The following BSCL2 variants were observed in gnomAD, a reference collection of about 807,000 sequenced individuals.
BSCL2 encodes the protein seipin.
A neutral mutation model predicts 57.4 loss-of-function variants in BSCL2; 41 were observed. That is an observed-to-expected ratio of 0.71 (90% CI 0.56 to 0.93). The LOEUF (loss-of-function observed/expected upper bound fraction) is 0.93. Ranked by LOEUF, BSCL2 falls within the 40% of genes least tolerant of loss-of-function variation. The pLI is 0.00. For missense variants in BSCL2, 539 were observed against 586.7 expected, an observed-to-expected ratio of 0.92 and a Z score of 0.84; for synonymous variants, 237 against 227.3, an observed-to-expected ratio of 1.04 and a Z score of -0.38.
chr11:62,694,380 T>G (rs1945393167), intron 4 of BSCL2, among the ~76,000 whole-genome samples, 188 bp downstream of exon 4: 1 of 151,646 alleles, frequency 6.6e-6, no homozygotes, highest in South Asian at 2.1e-4. Flanking sequence ...ATTTTTAAAC[T>G]TTTTTTGTAG....
At chr11:62,707,795 T>G, upstream of BSCL2, 1 of 258,246 alleles carries the variant, frequency 3.9e-6, no homozygotes, top group Admixed American at 4.9e-5. Flanking sequence ...AGTCACTGCT[T>G]CTGCATCAGA....
chr11:62,693,992 TTAG>T (rs1368801032), intron 4 of BSCL2, among the ~76,000 whole-genome samples: 3 of 151,774 alleles, frequency 2.0e-5, no homozygotes, highest in Non-Finnish European at 2.9e-5. Flanking sequence ...TTTTGTATTT[TTAG>T]TAGAGACGGG....
At position 62,696,126 on chromosome 11, in the gene BSCL2, G is replaced by A. The variant is rs551630045; in HGVS notation, c.487-1415C>T. On this transcript the variant is annotated intron_variant, in intron 3 of 10. Coordinates refer to ENST00000360796, the MANE Select transcript of BSCL2 (RefSeq NM_001122955.4). ...GCGGAGGTTGCAGTGAGCTGAGATC[G>A]TGCCACTGTACTCCAGCCTGGGTGA... 4.6e-5 allele frequency among the ~76,000 whole-genome samples: 7 copies of A among 152,248 alleles called. No individual in the cohort carries two copies. The South Asian group carries it at 6.2e-4, about 14-fold the overall frequency.
chr11:62,696,606 G>T (rs2134710286), intron 3 of BSCL2, among the ~76,000 whole-genome samples: 1 of 152,048 alleles, frequency 6.6e-6, no homozygotes. Context: ...ACAAAGGCTG[G>T]AGTGCAGTGG....
intron 2 of BSCL2, among the ~76,000 whole-genome samples, chr11:62,704,843 C>T (rs1334145504): frequency 1.2e-4 from 18 of 152,170 alleles, no homozygotes; most frequent in Admixed American, 1.0e-3. Flanking sequence ...CAAGTTTATG[C>T]GCCTACTCAT....
intron 2 of BSCL2, among the ~76,000 whole-genome samples, chr11:62,703,375 G>A (rs7935127): frequency 0.16 from 22,786 of 139,334 alleles, 2,138 homozygotes; most frequent in Non-Finnish European, 0.22. Flanking sequence ...TTTTTGAGAC[G>A]GAGTCTTGCT....
At chr11:62,691,562 A>T (rs1055757161) in intron 6 of BSCL2, 141 bp from the exon 7 acceptor site, 1 of 1,032,662 alleles carries the variant, frequency 9.7e-7, no homozygotes, top group Non-Finnish European at 1.5e-6. Flanking sequence ...CCACCCACAC[A>T]GTTTCCAGAA....
rs533416404 is a variant in BSCL2, at chr11:62,706,278, G to A, written c.88-661C>T. 3.9e-5 allele frequency: 43 copies of A among 1,111,156 alleles called. No individual in the cohort carries two copies. In the South Asian group the frequency reaches 7.5e-4, roughly 19 times the overall value. The allele number at this position is 1,111,156 out of a possible 1,614,324, so 68.8% of individuals were successfully genotyped here. ...ACTCACCAGCCTCGCGCGCTGCCAGGGCAACCGTGAGACGGGACTTCCGGC... is the reference window on the plus strand; with the variant it reads ...ACTCACCAGCCTCGCGCGCTGCCAGAGCAACCGTGAGACGGGACTTCCGGC... On this transcript the variant is annotated intron_variant, in intron 1 of 10. Transcript: ENST00000360796.
intron 3 of BSCL2, among the ~76,000 whole-genome samples, chr11:62,696,001 T>G (rs906293187): frequency 1.3e-5 from 2 of 152,012 alleles, no homozygotes; most frequent in Admixed American, 6.6e-5. Flanking sequence ...GGTGAAACTC[T>G]GTCTCTACTA....
intron 1 of BSCL2, among the ~76,000 whole-genome samples, chr11:62,706,878 C>G (rs2083549507): frequency 6.6e-6 from 1 of 152,240 alleles, no homozygotes; most frequent in Non-Finnish European, 1.5e-5. Flanking sequence ...AGCACATTAT[C>G]TAGACTAGCT....
At chr11:62,696,280 G>T (rs6591718) in intron 3 of BSCL2, among the ~76,000 whole-genome samples, 98 of 103,264 alleles carry the variant, frequency 9.5e-4, no homozygotes, top group South Asian at 4.5e-3. Context: ...TAAACTTTTT[G>T]TGTGTGTGTG....
At chr11:62,701,144 T>C (rs1274358581) in intron 3 of BSCL2, among the ~76,000 whole-genome samples, 1 of 152,188 alleles carries the variant, frequency 6.6e-6, no homozygotes, top group Non-Finnish European at 1.5e-5. Context: ...CATAATGTTA[T>C]ATAAATGCTT....
chr11:62,695,286 A>G (rs1232345968), intron 3 of BSCL2, among the ~76,000 whole-genome samples: 13 of 152,038 alleles, frequency 8.6e-5, no homozygotes, highest in South Asian at 2.1e-4. Flanking sequence ...AGTTTTTCCT[A>G]TTTCTATATT....
chr11:62,701,542 G>A (rs182798819), intron 3 of BSCL2, among the ~76,000 whole-genome samples: 4 of 152,150 alleles, frequency 2.6e-5, no homozygotes, highest in Admixed American at 2.6e-4. Context: ...ATGCTGTACT[G>A]AACGTGAAAA....
At chr11:62,700,981 G>T (rs549126544) in intron 3 of BSCL2, among the ~76,000 whole-genome samples, 1 of 151,718 alleles carries the variant, frequency 6.6e-6, no homozygotes, top group East Asian at 1.9e-4. Context: ...TATCCTTTAT[G>T]AGAGCCTCCT....
rs1252653056 is a variant in BSCL2, at chr11:62,707,400, C to A, written c.-205G>T. 9 of 703,922 alleles carry A rather than the reference C, an allele frequency of 1.3e-5. No individual in the cohort carries two copies. In the Admixed American group the frequency reaches 1.6e-4, roughly 13 times the overall value. 43.6% of individuals were successfully genotyped at this position (703,922 alleles called of 1,614,324 possible). On this transcript the variant is annotated 5_prime_UTR_variant, in exon 1 of 11. Coordinates refer to ENST00000360796, the MANE Select transcript of BSCL2 (RefSeq NM_001122955.4). ...GAGGAAAGGAGGAGGGGGGCGACTGCCCAGCTGATGTCAGATTTTCAAATG... is the reference window on the plus strand; with the variant it reads ...GAGGAAAGGAGGAGGGGGGCGACTGACCAGCTGATGTCAGATTTTCAAATG...
At chr11:62,709,523 G>A (rs920081606), upstream of BSCL2, 1 of 452,060 alleles carries the variant, frequency 2.2e-6, no homozygotes, top group South Asian at 1.6e-5. Context: ...GGAGGGTAGG[G>A]GCGGAGCTTG....
chr11:62,702,705 G>A (rs1263478304), intron 2 of BSCL2, among the ~76,000 whole-genome samples, 156 bp from the exon 3 acceptor site: 1 of 152,088 alleles, frequency 6.6e-6, no homozygotes, highest in African/African-American at 2.4e-5. Context: ...ATGTGGCCAG[G>A]AGATTCAAGA....
intron 4 of BSCL2, 109 bp from the exon 5 acceptor site, chr11:62,692,906 A>C: frequency 6.9e-7 from 1 of 1,453,722 alleles, no homozygotes; most frequent in Middle Eastern, 2.4e-4. Context: ...CTTCTTCCTC[A>C]GGTCCCTGGC....
Sources: gnomAD v4.1 joint callset for allele counts (sites outside exome capture counted in the v4.1 genomes callset) on GRCh38, gnomAD v4.1.1 for gene constraint, MANE v1.5 for transcripts, NCBI Gene and HGNC (gene_info 2026-07-23, HGNC 2026-07-21) for gene names.